CCDC171: variants seen among roughly 807,000 people sequenced by gnomAD.
CCDC171 encodes the protein coiled-coil domain containing 171.
In CCDC171, 177 loss-of-function variants were observed where a neutral mutation model predicts 168.2. The ratio of observed to expected loss-of-function variants is 1.05; its 90% CI spans 0.93 to 1.19. The LOEUF is 1.19. CCDC171 is among the 50% of genes most tolerant of loss of function. The pLI is 0.00. For missense variants in CCDC171, 1,991 were observed against 1,539.0 expected (o/e 1.29, Z -4.91); for synonymous variants, 687 against 540.8 (o/e 1.27, Z -3.75).
At chr9:15,592,456 T>G (rs565840128) in intron 5 of CCDC171, among the ~76,000 whole-genome samples, 2 of 152,314 alleles carry the variant, frequency 1.3e-5, no homozygotes, top group South Asian at 4.1e-4. Flanking sequence ...TTACTAAAAT[T>G]AATTACACAA....
rs530618707 is a variant in CCDC171 at position 16,007,460 on chromosome 9, G to T, written n.369-13129G>T. 2.5e-3 allele frequency among the ~76,000 whole-genome samples: 381 copies of T among 152,190 alleles called. 1 individual carries two copies. Among genetic ancestry groups the T allele is most frequent in the Non-Finnish European group, 4.2e-3 (287 of 68,008 alleles). ...AATTAGATCCCAATTGTCAATTTTG[G>T]CTTTTGTTGCCATTGCTTTTGGTGT... On this transcript the variant is annotated intron_variant and non_coding_transcript_variant, in intron 3 of 9. Transcript: ENST00000486641.
chr9:15,952,516 G>A (rs1041209474), intron 25 of CCDC171, among the ~76,000 whole-genome samples: 1 of 152,056 alleles, frequency 6.6e-6, no homozygotes, highest in African/African-American at 2.4e-5. Context: ...TCCTGCCTCA[G>A]CCTCCCAAGT....
In CCDC171 at chr9:15,659,501, A is replaced by C. The variant is rs145551813; in HGVS notation, c.915+2282A>C. ...TGTTTGCTTAAATCTAGGAAGGTAG[A>C]AAGTATCTTTATGAACTTAGATTCT... On this transcript the variant is annotated intron_variant, in intron 8 of 25. Transcript: ENST00000380701. Among the ~76,000 whole-genome samples the C allele has an allele frequency of 4.7e-4, 71 of 152,344 alleles. 1 individual carries two copies. Among genetic ancestry groups the C allele is most frequent in the African/African-American group, 1.6e-3 (67 of 41,588 alleles).
intron 1 of CCDC171, among the ~76,000 whole-genome samples, chr9:16,060,041 C>CCCAA (rs1833907698): frequency 6.6e-6 from 1 of 152,152 alleles, no homozygotes; most frequent in South Asian, 2.1e-4. Context: ...AAAGCAACTG[C>CCCAA]CCAACCTCCC....
intron 21 of CCDC171, among the ~76,000 whole-genome samples, chr9:15,806,363 T>TG (rs1224639212): frequency 2.0e-5 from 3 of 152,094 alleles, no homozygotes; most frequent in Non-Finnish European, 4.4e-5. Flanking sequence ...TTTTTGTAGT[T>TG]GCTGGTAATG....
intron 7 of CCDC171, among the ~76,000 whole-genome samples, chr9:15,649,950 G>A (rs545137147): frequency 5.9e-5 from 9 of 152,204 alleles, no homozygotes; most frequent in Non-Finnish European, 7.4e-5. Flanking sequence ...ACAGGCACAC[G>A]TATGTTTATT....
intron 11 of CCDC171, among the ~76,000 whole-genome samples, chr9:15,702,312 A>G (rs1245426073): frequency 2.6e-5 from 4 of 151,918 alleles, no homozygotes; most frequent in Admixed American, 1.3e-4. Context: ...TGCTTTATCA[A>G]CTCTGCCTGT....
intron 3 of CCDC171, among the ~76,000 whole-genome samples, chr9:15,991,737 TA>T (rs1832207371): frequency 6.6e-6 from 1 of 151,996 alleles, no homozygotes; most frequent in South Asian, 2.1e-4. Context: ...TAAAAAATGA[TA>T]AAGGGGATAT....
At position 15,788,003 on chromosome 9, in the gene CCDC171, A is replaced by G. The variant is rs531002001; in HGVS notation, c.3267+3309A>G. ...TCTCTGTTATAGTTTGTGTTTAGGT[A>G]TAATATCTTTACGCAGATAAAGAGC... is the stretch of plus-strand genomic sequence containing the variant. On this transcript the variant is annotated intron_variant, in intron 21 of 25. Coordinates refer to ENST00000380701, the MANE Select transcript of CCDC171 (RefSeq NM_173550.4). Among the ~76,000 whole-genome samples the G allele has an allele frequency of 1.1e-4, 17 of 152,350 alleles. 1 individual carries two copies. In the South Asian group the frequency reaches 3.3e-3, roughly 30 times the overall value.
At chr9:16,095,869 C>CACATATATATAT in the CCDC171 span, among the ~76,000 whole-genome samples, 4 of 123,842 alleles carry the variant, frequency 3.2e-5, no homozygotes, top group Admixed American at 8.3e-5. Flanking sequence ...CACATAGGCA[C>CACATATATATAT]ATATATATAT....
At chr9:15,676,540 A>C (rs2049580108) in intron 9 of CCDC171, among the ~76,000 whole-genome samples, 1 of 151,936 alleles carries the variant, frequency 6.6e-6, no homozygotes, top group South Asian at 2.1e-4. Context: ...CTCGAGCTGG[A>C]CAAGTTGTTT....
At chr9:16,025,335 G>C (rs1232742160) in intron 6 of CCDC171, among the ~76,000 whole-genome samples, 1 of 152,102 alleles carries the variant, frequency 6.6e-6, no homozygotes, top group Non-Finnish European at 1.5e-5. Context: ...CCAGCTACTC[G>C]GGAGGCTGAG....
chr9:15,739,093 T>C (rs2134505243), intron 16 of CCDC171, among the ~76,000 whole-genome samples: 1 of 152,268 alleles, frequency 6.6e-6, no homozygotes, highest in South Asian at 2.1e-4. Context: ...ATAAGTAGTG[T>C]AGAAGTTAAA....
intron 1 of CCDC171, among the ~76,000 whole-genome samples, chr9:16,057,333 T>C (rs1242651785): frequency 1.3e-5 from 2 of 152,202 alleles, no homozygotes; most frequent in Admixed American, 6.5e-5. Context: ...TTTTACAATA[T>C]GGAGAAAACA....
intron 7 of CCDC171, among the ~76,000 whole-genome samples, chr9:15,655,099 G>T (rs927969982): frequency 1.3e-5 from 2 of 151,892 alleles, no homozygotes; most frequent in African/African-American, 4.8e-5. Flanking sequence ...GAGTTAATGG[G>T]TGCAGCACAC....
chr9:16,101,765 T>C, the CCDC171 span, among the ~76,000 whole-genome samples: 10 of 152,282 alleles, frequency 6.6e-5, no homozygotes, highest in Admixed American at 3.9e-4. Context: ...GAGCTAAGAA[T>C]AGCCTCCAGT....
intron 24 of CCDC171, among the ~76,000 whole-genome samples, chr9:15,892,202 T>C: frequency 6.6e-6 from 1 of 152,190 alleles, no homozygotes. Context: ...TTTCTTTCTC[T>C]TGCCTGATTG....
At chr9:15,832,167 G>A (rs1029115800) in intron 21 of CCDC171, among the ~76,000 whole-genome samples, 2 of 152,240 alleles carry the variant, frequency 1.3e-5, no homozygotes, top group South Asian at 2.1e-4. Flanking sequence ...AACTTTTGGT[G>A]TGAAATGCCA....
intron 6 of CCDC171, among the ~76,000 whole-genome samples, chr9:15,616,601 A>G (rs1051750396): frequency 2.0e-5 from 3 of 152,184 alleles, no homozygotes; most frequent in African/African-American, 7.2e-5. Context: ...GTAGACAAGT[A>G]TGTAAGTCAA....
Sources: allele counts gnomAD v4.1 joint callset (sites outside exome capture counted in the v4.1 genomes callset), GRCh38; gene constraint gnomAD v4.1.1; transcripts MANE v1.5; gene names NCBI Gene and HGNC (gene_info 2026-07-23, HGNC 2026-07-21).